Variants in SRGAP3 observed in about 807,000 individuals in gnomAD.
The protein encoded by SRGAP3 is SLIT-ROBO Rho GTPase-activating protein 3.
A neutral mutation model predicts 121.1 loss-of-function variants in SRGAP3; 39 were observed. That is an observed-to-expected ratio of 0.32 (90% confidence interval 0.25 to 0.42). The LOEUF (loss-of-function observed/expected upper bound fraction) is 0.42. SRGAP3 is among the 10% of genes least tolerant of loss of function. The probability of loss-of-function intolerance (pLI) is 1.00; values close to 1 mark genes in which losing one functional copy is unlikely to be tolerated. For synonymous variants in SRGAP3, 601 were observed against 570.0 expected (o/e 1.05, Z -0.77); for missense variants, 1,213 against 1,470.6 (o/e 0.82, Z 2.86).
chr3:9,128,509 T>C (rs1560215823), intron 1 of SRGAP3, among the ~76,000 whole-genome samples: 1 of 152,180 alleles, frequency 6.6e-6, no homozygotes, highest in African/African-American at 2.4e-5. Flanking sequence ...TGTAAAACAT[T>C]TGACTTGTTC....
chr3:9,299,062 A>G (rs1955001765), intron 3 of SRGAP3, among the ~76,000 whole-genome samples: 2 of 149,420 alleles, frequency 1.3e-5, no homozygotes, highest in Admixed American at 6.7e-5. Flanking sequence ...AAAAAAAAAA[A>G]AAAAAAAAGA....
rs60921317 is a variant in SRGAP3 at position 9,086,557 on chromosome 3, G to C, written c.424-6470C>G. Among the ~76,000 whole-genome samples the C allele has an allele frequency of 4.6e-4, 68 of 148,162 alleles. No homozygotes were observed. In the East Asian group the frequency reaches 0.012, roughly 27 times the overall value. ...AAAAAAACCATATATACGTATGTGTGTATATATGTGGGTGTGTATATGTGT... is the reference window on the plus strand; with the variant it reads ...AAAAAAACCATATATACGTATGTGTCTATATATGTGGGTGTGTATATGTGT... On this transcript the variant is annotated intron_variant, in intron 3 of 21. Coordinates refer to ENST00000383836, the MANE Select transcript of SRGAP3 (RefSeq NM_014850.4).
intron 1 of SRGAP3, among the ~76,000 whole-genome samples, chr3:9,352,411 T>C (rs1031975855): frequency 2.0e-5 from 3 of 151,906 alleles, no homozygotes; most frequent in African/African-American, 7.3e-5. Flanking sequence ...GTTGCTGGGA[T>C]TACAGGCACG....
At chr3:9,179,940 G>A (rs1356767240) in intron 1 of SRGAP3, among the ~76,000 whole-genome samples, 8 of 152,202 alleles carry the variant, frequency 5.3e-5, no homozygotes, top group Non-Finnish European at 1.0e-4. Context: ...CCAGATGCCC[G>A]GTCAATACTC....
intron 2 of SRGAP3, among the ~76,000 whole-genome samples, chr3:9,120,779 TATG>T (rs1948976734): frequency 6.6e-6 from 1 of 152,216 alleles, no homozygotes; most frequent in African/African-American, 2.4e-5. Flanking sequence ...AGAAAAGAAA[TATG>T]ATGATATTTT....
intron 1 of SRGAP3, among the ~76,000 whole-genome samples, chr3:9,149,369 T>C (rs921898811): frequency 9.2e-5 from 14 of 152,314 alleles, no homozygotes; most frequent in Admixed American, 5.9e-4. Context: ...CCCAGGACTT[T>C]TGATGTCCCA....
intron 1 of SRGAP3, among the ~76,000 whole-genome samples, chr3:9,179,057 G>A (rs1255864668): frequency 1.3e-5 from 2 of 152,010 alleles, no homozygotes; most frequent in Non-Finnish European, 2.9e-5. Context: ...CCTGCCCATC[G>A]AACAAGATCC....
intron 3 of SRGAP3, among the ~76,000 whole-genome samples, chr3:9,269,112 G>A (rs1954426139): frequency 6.6e-6 from 1 of 152,186 alleles, no homozygotes; most frequent in South Asian, 2.1e-4. Flanking sequence ...GGTGCTCACA[G>A]GTCATATCTT....
upstream of SRGAP3, among the ~76,000 whole-genome samples, chr3:9,253,526 G>A (rs185111502): frequency 1.1e-3 from 160 of 152,272 alleles, 1 homozygote; most frequent in African/African-American, 3.5e-3. Flanking sequence ...GGCCAGAATA[G>A]TTTTTGGTTG....
chr3:9,315,570 A>C (rs1378332874), intron 3 of SRGAP3, among the ~76,000 whole-genome samples: 2 of 152,208 alleles, frequency 1.3e-5, no homozygotes, highest in Non-Finnish European at 1.5e-5. Flanking sequence ...CTCTTACGTG[A>C]AGTTTATAGT....
chr3:9,016,439 C>G (rs146738286), intron 14 of SRGAP3, among the ~76,000 whole-genome samples: 30 of 152,272 alleles, frequency 2.0e-4, no homozygotes, highest in Admixed American at 9.8e-4. Flanking sequence ...TGATTAGACT[C>G]CAATTAAATA....
chr3:9,245,866 G>A (rs1226239026), intron 1 of SRGAP3, among the ~76,000 whole-genome samples: 1 of 152,210 alleles, frequency 6.6e-6, no homozygotes, highest in Non-Finnish European at 1.5e-5. Flanking sequence ...GGAGATTGCA[G>A]TGAGTCAAGA....
chr3:9,124,618 C>A (rs1949147895), intron 2 of SRGAP3, 107 bp downstream of exon 2: 4 of 1,433,044 alleles, frequency 2.8e-6, no homozygotes, highest in Non-Finnish European at 3.9e-6. Flanking sequence ...GAAGGCACAC[C>A]CTCTGCCTCC....
Position 9,213,328 on chromosome 3 carries a change from GAA to G in SRGAP3, c.67+35555_67+35556del, listed in dbSNP as rs35735660. On this transcript the variant is annotated intron_variant, in intron 1 of 21. Transcript: ENST00000383836. Reference sequence around the variant, plus strand: ...CTGCAGTCCAAAACCTGCATCATCTGAAAAAAAAAAAATGCAACATTTGCCCC... The same window carrying G: ...CTGCAGTCCAAAACCTGCATCATCTGAAAAAAAAAATGCAACATTTGCCCC... Among the ~76,000 whole-genome samples the G allele has an allele frequency of 8.7e-3, 1,284 of 147,822 alleles. 21 individuals are homozygous for G. The highest frequency in any genetic ancestry group is 0.03 in the African/African-American group (1,205 of 40,436).
chr3:9,359,017 A>G (rs569777742), intron 1 of SRGAP3, among the ~76,000 whole-genome samples: 6 of 152,334 alleles, frequency 3.9e-5, no homozygotes, highest in Non-Finnish European at 7.3e-5. Context: ...CAGAAGCTTA[A>G]CACCATCTTG....
At chr3:9,290,877 T>C (rs1220976379) in intron 3 of SRGAP3, among the ~76,000 whole-genome samples, 1 of 152,202 alleles carries the variant, frequency 6.6e-6, no homozygotes, top group Non-Finnish European at 1.5e-5. Flanking sequence ...ATGAAAACTC[T>C]CAGAGTATAT....
chr3:9,203,066 C>T (rs535196567), intron 1 of SRGAP3, among the ~76,000 whole-genome samples: 61 of 152,330 alleles, frequency 4.0e-4, no homozygotes, highest in South Asian at 8.3e-4. Context: ...CCATAGACAC[C>T]GATCCTGAGA....
chr3:9,218,759 A>G lies in SRGAP3; in HGVS notation c.67+30126T>C, dbSNP rs1192830280. Among the ~76,000 whole-genome samples, 1 of 151,198 alleles carries G rather than the reference A, an allele frequency of 6.6e-6. No individual in the cohort carries two copies. Among genetic ancestry groups the G allele is most frequent in the African/African-American group, 2.4e-5 (1 of 41,106 alleles). On this transcript the variant is annotated intron_variant, in intron 1 of 21. Transcript: ENST00000383836. The surrounding 1 kb of genome is among the most constrained non-coding windows in gnomAD (Gnocchi z 5.3). ...CTCTGCTTGGCTCACTGCAACCTCAACCTCCCGGATTCAAGTGATCCTCCC... is the reference window on the plus strand; with the variant it reads ...CTCTGCTTGGCTCACTGCAACCTCAGCCTCCCGGATTCAAGTGATCCTCCC...
intron 1 of SRGAP3, among the ~76,000 whole-genome samples, chr3:9,128,817 T>C (rs952238720): frequency 6.6e-6 from 1 of 152,216 alleles, no homozygotes; most frequent in Admixed American, 6.5e-5. Context: ...ACAGATCTTG[T>C]GTTTATTGAA....
Sources: allele counts gnomAD v4.1 joint callset (sites outside exome capture counted in the v4.1 genomes callset), GRCh38; gene constraint gnomAD v4.1.1; non-coding constraint Gnocchi (gnomAD v3.1); transcripts MANE v1.5; gene names NCBI Gene and HGNC (gene_info 2026-07-23, HGNC 2026-07-21).